XKR9: variants seen among roughly 807,000 people sequenced by gnomAD.
XKR9 encodes XK related 9.
Under a neutral mutation model 32.0 loss-of-function variants are expected in XKR9, and 32 were observed. That is an observed-to-expected ratio of 1.00 (90% CI 0.76 to 1.34). XKR9 has a LOEUF of 1.34. Ranked by LOEUF, XKR9 falls within the 40% of genes most tolerant of loss-of-function variation. XKR9 has a pLI of 0.00. For synonymous variants in XKR9, 168 were observed against 143.4 expected (o/e 1.17, Z -1.22); for missense variants, 546 against 429.7 (o/e 1.27, Z -2.39).
At chr8:70,983,338 C>T in the XKR9 span, among the ~76,000 whole-genome samples, 111 of 152,260 alleles carry the variant, frequency 7.3e-4, no homozygotes, top group African/African-American at 2.5e-3. Flanking sequence ...CCATTCATAA[C>T]CGTCTGAACT....
intron 3 of XKR9, among the ~76,000 whole-genome samples, chr8:70,693,817 G>A (rs1165853068): frequency 2.0e-5 from 3 of 152,216 alleles, no homozygotes. Context: ...CTCATTGGAG[G>A]TGTGGATAAG....
the XKR9 span, among the ~76,000 whole-genome samples, chr8:70,803,628 T>G: frequency 6.6e-6 from 1 of 152,216 alleles, no homozygotes; most frequent in Non-Finnish European, 1.5e-5. Context: ...CTTTTTTGAT[T>G]CCTTTAGAGG....
chr8:71,002,422 CT>C, the XKR9 span, among the ~76,000 whole-genome samples: 1 of 143,500 alleles, frequency 7.0e-6, no homozygotes, highest in Non-Finnish European at 1.6e-5. Flanking sequence ...TATTATTTTT[CT>C]TTTAGTATGT....
chr8:70,855,734 T>C, the XKR9 span, among the ~76,000 whole-genome samples: 7 of 152,290 alleles, frequency 4.6e-5, no homozygotes, highest in South Asian at 4.1e-4. Context: ...AGAGAAAGGT[T>C]GGGTTACCCA....
chr8:70,762,881 T>A (rs1430030890), intron 2 of XKR9, among the ~76,000 whole-genome samples: 1 of 152,188 alleles, frequency 6.6e-6, no homozygotes, highest in Non-Finnish European at 1.5e-5. Context: ...TTATTTGTGT[T>A]ACAAAGCAGA....
the XKR9 span, among the ~76,000 whole-genome samples, chr8:70,886,118 C>A: frequency 6.6e-6 from 1 of 152,200 alleles, no homozygotes; most frequent in Non-Finnish European, 1.5e-5. Context: ...TCAGCTCCTA[C>A]TAATGAGTGA....
At chr8:70,943,785 A>G in the XKR9 span, among the ~76,000 whole-genome samples, 3 of 152,154 alleles carry the variant, frequency 2.0e-5, no homozygotes, top group Non-Finnish European at 4.4e-5. Flanking sequence ...CAGGAACTAT[A>G]AAAATGGCAT....
chr8:70,732,830 G>A (rs1024398128), intron 4 of XKR9, among the ~76,000 whole-genome samples: 2 of 152,178 alleles, frequency 1.3e-5, no homozygotes, highest in African/African-American at 4.8e-5. Flanking sequence ...TATATAGAAA[G>A]TGGTAGGCCA....
chr8:70,929,754 C>T, the XKR9 span, among the ~76,000 whole-genome samples: 1 of 152,126 alleles, frequency 6.6e-6, no homozygotes, highest in Non-Finnish European at 1.5e-5. Flanking sequence ...CTTTAGATCT[C>T]GATGACATCC....
intron 4 of XKR9, 24 bp from the exon 5 acceptor site, chr8:70,733,772 A>G (rs778165116): frequency 1.3e-6 from 2 of 1,492,026 alleles, no homozygotes; most frequent in Non-Finnish European, 1.8e-6. Context: ...ATAACAATAT[A>G]TTTTTTATTT....
At chr8:70,784,705 A>G (rs1807660558) in intron 2 of XKR9, among the ~76,000 whole-genome samples, 1 of 151,860 alleles carries the variant, frequency 6.6e-6, no homozygotes, top group South Asian at 2.1e-4. Flanking sequence ...CTCTTGCTTA[A>G]TTTCCCTGGC....
the XKR9 span, among the ~76,000 whole-genome samples, chr8:70,863,989 A>C: frequency 2.0e-5 from 3 of 152,162 alleles, no homozygotes; most frequent in Non-Finnish European, 4.4e-5. Context: ...AGCTGTTTGC[A>C]TATATAAACA....
At chr8:70,901,226 A>G in the XKR9 span, among the ~76,000 whole-genome samples, 1 of 152,210 alleles carries the variant, frequency 6.6e-6, no homozygotes, top group Middle Eastern at 3.2e-3. Context: ...TCCCTGAGGA[A>G]TCGCCACACT....
the XKR9 span, among the ~76,000 whole-genome samples, chr8:70,933,015 C>A: frequency 6.6e-6 from 1 of 152,072 alleles, no homozygotes; most frequent in African/African-American, 2.4e-5. Flanking sequence ...GTGTGTCCCT[C>A]AAATGGGACA....
the XKR9 span, among the ~76,000 whole-genome samples, chr8:70,798,219 T>C: frequency 4.6e-5 from 7 of 152,282 alleles, no homozygotes; most frequent in East Asian, 1.4e-3. Flanking sequence ...CTACATCTGT[T>C]ATTTTTTTGA....
chr8:70,680,124 T>C (rs1351749501), intron 2 of XKR9, among the ~76,000 whole-genome samples: 1 of 152,104 alleles, frequency 6.6e-6, no homozygotes, highest in East Asian at 1.9e-4. Context: ...TAGTATACAG[T>C]ATTTATCTTT....
the XKR9 span, among the ~76,000 whole-genome samples, chr8:70,855,730 A>G: frequency 6.6e-6 from 1 of 152,238 alleles, no homozygotes; most frequent in Non-Finnish European, 1.5e-5. Context: ...CCAGAGAGAA[A>G]GGTTGGGTTA....
the XKR9 span, among the ~76,000 whole-genome samples, chr8:71,021,498 CTTTTT>C: frequency 9.9e-6 from 1 of 101,416 alleles, no homozygotes; most frequent in African/African-American, 3.6e-5. Context: ...TTGATGGTTT[CTTTTT>C]TTTTTTTTTT....
At chr8:71,019,041 A>C in the XKR9 span, among the ~76,000 whole-genome samples, 1 of 152,216 alleles carries the variant, frequency 6.6e-6, no homozygotes, top group African/African-American at 2.4e-5. Flanking sequence ...TTCTGGTGAG[A>C]TGACACAATG....
Sources: gnomAD v4.1 joint callset for allele counts (sites outside exome capture counted in the v4.1 genomes callset) on GRCh38, gnomAD v4.1.1 for gene constraint, MANE v1.5 for transcripts, NCBI Gene and HGNC (gene_info 2026-07-23, HGNC 2026-07-21) for gene names.